Variants in CSMD1 observed in about 807,000 individuals in gnomAD.
CSMD1 encodes CUB and sushi domain-containing protein 1.
Under a neutral mutation model 417.5 loss-of-function variants are expected in CSMD1, and 213 were observed. The ratio of observed to expected loss-of-function variants is 0.51; its 90% CI spans 0.46 to 0.57. The LOEUF is 0.57. Among genes scored for constraint, CSMD1 ranks in the 20% least tolerant of loss-of-function variants. The probability of loss-of-function intolerance (pLI) is 0.00; values close to 1 mark genes in which losing one functional copy is unlikely to be tolerated. For synonymous variants in CSMD1, 2,862 were observed against 1,736.8 expected, an observed-to-expected ratio of 1.65 and a Z score of -16.11; for missense variants, 6,923 against 4,529.7, an observed-to-expected ratio of 1.53 and a Z score of -15.17.
chr8:4,753,498 T>G (rs1811478260), intron 1 of CSMD1, among the ~76,000 whole-genome samples: 1 of 151,930 alleles, frequency 6.6e-6, no homozygotes, highest in Non-Finnish European at 1.5e-5. Context: ...ATTCTTCTTT[T>G]TCATTTCGTA....
chr8:4,374,810 G>A (rs1802619350), intron 3 of CSMD1, among the ~76,000 whole-genome samples: 1 of 152,066 alleles, frequency 6.6e-6, no homozygotes, highest in Admixed American at 6.6e-5. Context: ...AGGATGGCAG[G>A]AAAACGGCCT....
intron 26 of CSMD1, among the ~76,000 whole-genome samples, chr8:3,236,006 C>A (rs1398411655): frequency 6.7e-6 from 1 of 148,332 alleles, no homozygotes; most frequent in Non-Finnish European, 1.5e-5. Flanking sequence ...CAAGCTCCGC[C>A]TTCCGGGTTC....
chr8:4,693,065 A>G (rs1487617673), intron 1 of CSMD1, among the ~76,000 whole-genome samples: 1 of 152,142 alleles, frequency 6.6e-6, no homozygotes, highest in Non-Finnish European at 1.5e-5. Context: ...TACTGACTAC[A>G]CTACACAGCT....
At chr8:4,554,971 C>A (rs1384886143) in intron 2 of CSMD1, among the ~76,000 whole-genome samples, 1 of 152,096 alleles carries the variant, frequency 6.6e-6, no homozygotes, top group Admixed American at 6.5e-5. Flanking sequence ...GCTGGAGGGG[C>A]CACCAGGGCC....
chr8:3,789,410 TTTTTTTTTTTAAGTAGTG>T (rs1799611806), intron 5 of CSMD1, among the ~76,000 whole-genome samples: 1 of 1,848 alleles, frequency 5.4e-4, no homozygotes, highest in Non-Finnish European at 1.0e-3. Flanking sequence ...TTAAGTAAGT[TTTTTTTTTTTAAGTAGTG>T]TTTTTTTTTA....
chr8:3,108,885 C>T lies in CSMD1; in HGVS notation c.6609-137G>A, dbSNP rs145842260. 17 of 858,704 alleles carry T rather than the reference C, an allele frequency of 2.0e-5. No individual in the cohort carries two copies. The African/African-American group carries it at 2.9e-4, about 15-fold the overall frequency. The allele number at this position is 858,704 out of a possible 1,614,324, so 53.2% of individuals were successfully genotyped here. On this transcript the variant is annotated intron_variant, in intron 43 of 69. Transcript: ENST00000635120. ...ATTCTCAGGATACTGTGTTTGTAAACATCAAGATGTTGAATGTCCACAAAG... is the reference window on the plus strand; with the variant it reads ...ATTCTCAGGATACTGTGTTTGTAAATATCAAGATGTTGAATGTCCACAAAG...
intron 3 of CSMD1, among the ~76,000 whole-genome samples, chr8:4,198,420 A>G (rs866226851): frequency 2.6e-5 from 4 of 152,318 alleles, no homozygotes; most frequent in African/African-American, 9.6e-5. Context: ...GATTGGCAAT[A>G]TAGATAAGCC....
chr8:3,294,093 C>G (rs373475637), intron 25 of CSMD1, among the ~76,000 whole-genome samples: 18 of 152,320 alleles, frequency 1.2e-4, no homozygotes, highest in African/African-American at 3.8e-4. Context: ...GAGGTGCACT[C>G]CGGACCCTGT....
intron 7 of CSMD1, among the ~76,000 whole-genome samples, chr8:3,699,889 CCCTGGGTTATATCCCATAACTACA>C (rs1800756621): frequency 1.5e-5 from 2 of 131,164 alleles, no homozygotes; most frequent in East Asian, 5.1e-4. Flanking sequence ...ATAGCTACAT[CCCTGGGTTATATCCCATAACTACA>C]TCCCTGGGTT....
chr8:3,541,441 G>A (rs1003670929), intron 10 of CSMD1, among the ~76,000 whole-genome samples: 1 of 152,010 alleles, frequency 6.6e-6, no homozygotes, highest in Non-Finnish European at 1.5e-5. Context: ...ATACCTAGGT[G>A]ATGGGTTGAT....
chr8:3,637,143 T>C (rs1439889962), intron 7 of CSMD1, among the ~76,000 whole-genome samples: 2 of 152,210 alleles, frequency 1.3e-5, no homozygotes, highest in African/African-American at 4.8e-5. Flanking sequence ...GTTTGTGCTA[T>C]TCTGTTATAG....
Position 4,312,453 on chromosome 8 carries a change from ATATATATGCG to A in CSMD1, c.415+107490_415+107499del, listed in dbSNP as rs1798680553. On this transcript the variant is annotated intron_variant, in intron 3 of 69. Coordinates refer to ENST00000635120, the MANE Select transcript of CSMD1 (RefSeq NM_033225.6). ...TATATATATGCGTATATATATACGT[ATATATATGCG>A]CGTATATATATATATACACATATAG... Among the ~76,000 whole-genome samples the A allele has an allele frequency of 5.8e-5, 7 of 121,192 alleles. No individual in the cohort carries two copies. In the South Asian group the frequency reaches 1.7e-3, roughly 30 times the overall value. 79.5% of individuals were successfully genotyped at this position (121,192 alleles called of 152,430 possible).
At chr8:3,771,715 C>G (rs1798583846) in intron 5 of CSMD1, among the ~76,000 whole-genome samples, 1 of 152,130 alleles carries the variant, frequency 6.6e-6, no homozygotes, top group East Asian at 1.9e-4. Context: ...TAAAAGCAGA[C>G]AAAACGCAAG....
At chr8:4,946,594 A>C (rs551767458) in intron 1 of CSMD1, among the ~76,000 whole-genome samples, 2 of 152,330 alleles carry the variant, frequency 1.3e-5, no homozygotes, top group Admixed American at 1.3e-4. Flanking sequence ...ACTAAATTCT[A>C]GGCTTATGTC....
rs534697354 is a variant in CSMD1, at chr8:4,026,590, G to A, written c.610+5315C>T. On this transcript the variant is annotated intron_variant, in intron 4 of 69. Transcript: ENST00000635120. ...AAGTTTTAATGTCACAAGGAACTAA[G>A]GACACTGCCACTCACAGTTTTAATG... is the stretch of plus-strand genomic sequence containing the variant. 7.2e-5 allele frequency among the ~76,000 whole-genome samples: 11 copies of A among 152,296 alleles called. No homozygotes were observed. In the South Asian group the frequency reaches 2.1e-3, roughly 29 times the overall value.
intron 5 of CSMD1, among the ~76,000 whole-genome samples, chr8:3,944,300 C>A (rs913566738): frequency 6.6e-6 from 1 of 151,994 alleles, no homozygotes. Flanking sequence ...TCAGTTTGAG[C>A]CCCGGATAAT....
At chr8:4,488,167 C>T (rs1239224220) in intron 2 of CSMD1, among the ~76,000 whole-genome samples, 2 of 152,172 alleles carry the variant, frequency 1.3e-5, no homozygotes, top group Non-Finnish European at 2.9e-5. Context: ...CGACTTACAG[C>T]TTCCAGAACT....
chr8:3,384,778 T>C (rs1399294846), intron 18 of CSMD1, among the ~76,000 whole-genome samples: 1 of 122,796 alleles, frequency 8.1e-6, no homozygotes, highest in East Asian at 2.2e-4. Context: ...TATATATTTA[T>C]ATAATATATA....
At chr8:4,912,995 G>C (rs1036888683) in intron 1 of CSMD1, among the ~76,000 whole-genome samples, 1 of 152,056 alleles carries the variant, frequency 6.6e-6, no homozygotes, top group Non-Finnish European at 1.5e-5. Flanking sequence ...TACCGTGTTG[G>C]CCAGGATAGT....
Sources: allele counts gnomAD v4.1 joint callset (sites outside exome capture counted in the v4.1 genomes callset), GRCh38; gene constraint gnomAD v4.1.1; transcripts MANE v1.5; gene names NCBI Gene and HGNC (gene_info 2026-07-23, HGNC 2026-07-21).